VPS13B: variants seen among roughly 807,000 people sequenced by gnomAD.
VPS13B encodes the protein intermembrane lipid transfer protein VPS13B.
VPS13B carries 285 observed loss-of-function variants against 426.4 expected under a neutral mutation model. The ratio of observed to expected loss-of-function variants is 0.67; its 90% confidence interval spans 0.61 to 0.74. The LOEUF (loss-of-function observed/expected upper bound fraction) is 0.74. Ranked by LOEUF, VPS13B falls within the 30% of genes least tolerant of loss-of-function variation. The probability of loss-of-function intolerance (pLI) is 0.00; values close to 1 mark genes in which losing one functional copy is unlikely to be tolerated. For synonymous variants in VPS13B, 1,676 were observed against 1,676.4 expected (o/e 1.00, Z 0.01); for missense variants, 4,537 against 4,782.6 (o/e 0.95, Z 1.51).
At chr8:99,439,260 A>T (rs1026973031) in intron 22 of VPS13B, among the ~76,000 whole-genome samples, 2 of 152,188 alleles carry the variant, frequency 1.3e-5, no homozygotes, top group African/African-American at 4.8e-5. Flanking sequence ...TACATAGTAC[A>T]TGCACCACTG....
At chr8:99,717,139 G>T in intron 36 of VPS13B, 32 bp from the exon 37 acceptor site, 1 of 1,567,652 alleles carries the variant, frequency 6.4e-7, no homozygotes, top group South Asian at 1.1e-5. Context: ...TGATAAGGAT[G>T]AATTATATAC....
chr8:99,387,941 G>A (rs187954411), intron 20 of VPS13B, among the ~76,000 whole-genome samples: 1 of 152,194 alleles, frequency 6.6e-6, no homozygotes, highest in African/African-American at 2.4e-5. Flanking sequence ...AAGGAATACT[G>A]TGTAAGCCTG....
At chr8:99,544,720 C>A (rs930133371) in intron 30 of VPS13B, among the ~76,000 whole-genome samples, 1 of 152,164 alleles carries the variant, frequency 6.6e-6, no homozygotes, top group African/African-American at 2.4e-5. Context: ...TAAACCTTTA[C>A]AAGCATCCTT....
At chr8:99,695,215 T>A (rs1272901483) in intron 35 of VPS13B, among the ~76,000 whole-genome samples, 19 of 151,016 alleles carry the variant, frequency 1.3e-4, no homozygotes, top group Admixed American at 7.0e-4. Context: ...CCCAAAGGAT[T>A]ATAAATCATG....
At chr8:99,181,808 C>A (rs1333920281) in intron 16 of VPS13B, among the ~76,000 whole-genome samples, 1 of 151,760 alleles carries the variant, frequency 6.6e-6, no homozygotes, top group Non-Finnish European at 1.5e-5. Context: ...TAGGTATAAT[C>A]TATTAATAAA....
chr8:99,606,091 T>C (rs1827560224), intron 33 of VPS13B, among the ~76,000 whole-genome samples: 1 of 152,022 alleles, frequency 6.6e-6, no homozygotes, highest in Non-Finnish European at 1.5e-5. Flanking sequence ...TTTCGGTAGA[T>C]ACGGGGTTTT....
chr8:99,507,830 C>G, intron 28 of VPS13B: 1 of 1,614,070 alleles, frequency 6.2e-7, no homozygotes, highest in Non-Finnish European at 8.5e-7. Flanking sequence ...CCTGTACTGA[C>G]AAGCTGAACA....
At chr8:99,845,866 C>G (rs893345362) in intron 54 of VPS13B, among the ~76,000 whole-genome samples, 5 of 152,160 alleles carry the variant, frequency 3.3e-5, no homozygotes, top group Non-Finnish European at 7.3e-5. Flanking sequence ...CCAATAAAGC[C>G]TTATTCACAA....
At position 99,721,058 on chromosome 8, in the gene VPS13B, A is replaced by G. The variant is rs114546856; in HGVS notation, c.7050+11A>G. ...GGTGATGTGCTACAGGTATGTAATG[A>G]CCATTCATTGTAAAATGAAAACATT... On this transcript the variant is annotated intron_variant, in intron 39 of 61. Transcript: ENST00000357162. 6.4e-4 allele frequency: 1,027 copies of G among 1,613,656 alleles called. 2 individuals carry two copies. The African/African-American group carries it at 0.011, about 18-fold the overall frequency.
At chr8:99,600,401 C>T (rs865989008) in intron 33 of VPS13B, among the ~76,000 whole-genome samples, 3 of 152,086 alleles carry the variant, frequency 2.0e-5, no homozygotes, top group Non-Finnish European at 4.4e-5. Context: ...AGTGACCTAA[C>T]CGGTATGGAT....
intron 35 of VPS13B, among the ~76,000 whole-genome samples, chr8:99,677,132 A>C (rs766313749): frequency 6.6e-6 from 1 of 152,196 alleles, no homozygotes; most frequent in Non-Finnish European, 1.5e-5. Flanking sequence ...AGAAAAAAAG[A>C]AGCAGCTAAT....
intron 35 of VPS13B, among the ~76,000 whole-genome samples, chr8:99,687,033 T>C (rs1192403935): frequency 1.3e-5 from 2 of 152,028 alleles, no homozygotes; most frequent in Non-Finnish European, 2.9e-5. Context: ...GCCTGGGTGC[T>C]ACTGCTAATT....
chr8:99,821,225 C>A, intron 49 of VPS13B, 69 bp from the exon 50 acceptor site: 4 of 1,426,390 alleles, frequency 2.8e-6, no homozygotes, highest in Middle Eastern at 2.2e-4. Flanking sequence ...AAAAAAAAAT[C>A]CTGAGGATTG....
chr8:99,786,413 C>T (rs1812266903), intron 43 of VPS13B, among the ~76,000 whole-genome samples: 1 of 152,096 alleles, frequency 6.6e-6, no homozygotes, highest in Non-Finnish European at 1.5e-5. Context: ...AGTGTCACTT[C>T]AATGTTGTCT....
At chr8:99,337,835 A>G (rs1811008573) in intron 19 of VPS13B, among the ~76,000 whole-genome samples, 1 of 152,098 alleles carries the variant, frequency 6.6e-6, no homozygotes, top group Admixed American at 6.6e-5. Context: ...TAAAAGCCTT[A>G]TAGTTTAGCT....
intron 28 of VPS13B, 64 bp from the exon 29 acceptor site, chr8:99,511,040 T>G (rs1324364655): frequency 6.3e-7 from 1 of 1,581,978 alleles, no homozygotes; most frequent in Non-Finnish European, 8.6e-7. Flanking sequence ...ATTTTCTTCT[T>G]TCCAATTTTT....
chr8:99,654,418 C>G (rs751371009), intron 34 of VPS13B, among the ~76,000 whole-genome samples: 1 of 152,086 alleles, frequency 6.6e-6, no homozygotes, highest in Non-Finnish European at 1.5e-5. Context: ...TTTATAGAGC[C>G]TTCATGGACT....
At chr8:99,454,200 TTTGAGACAGGGTCTCATTC>T (rs1446840498) in intron 23 of VPS13B, among the ~76,000 whole-genome samples, 1 of 152,208 alleles carries the variant, frequency 6.6e-6, no homozygotes, top group Non-Finnish European at 1.5e-5. Context: ...CTTTTATTTT[TTTGAGACAGGGTCTCATTC>T]TGTCACCCAG....
At chr8:99,092,269 G>T (rs950018443) in intron 3 of VPS13B, among the ~76,000 whole-genome samples, 9 of 152,272 alleles carry the variant, frequency 5.9e-5, no homozygotes, top group Middle Eastern at 3.4e-3. Context: ...AGTATTTTCA[G>T]AAATAGCTAT....
Sources: allele counts gnomAD v4.1 joint callset (sites outside exome capture counted in the v4.1 genomes callset), GRCh38; gene constraint gnomAD v4.1.1; transcripts MANE v1.5; gene names NCBI Gene and HGNC (gene_info 2026-07-23, HGNC 2026-07-21).